BANK1: variants seen among roughly 807,000 people sequenced by gnomAD.
BANK1 encodes the protein B cell scaffold protein with ankyrin repeats 1.
In BANK1, 95 loss-of-function variants were observed where a neutral mutation model predicts 94.5. That is an observed-to-expected ratio of 1.00 (90% CI 0.85 to 1.19). BANK1 has a LOEUF of 1.19. BANK1 is among the 50% of genes most tolerant of loss of function. The pLI is 0.00. For synonymous variants in BANK1, 334 were observed against 308.4 expected (o/e 1.08, Z -0.87); for missense variants, 987 against 932.2 (o/e 1.06, Z -0.77).
chr4:101,933,846 C>G (rs1028286042), intron 7 of BANK1, among the ~76,000 whole-genome samples: 3 of 151,476 alleles, frequency 2.0e-5, no homozygotes. Context: ...AGTGCCCTAA[C>G]TGTGTATAGT....
chr4:102,037,588 G>A (rs906264490), intron 10 of BANK1, among the ~76,000 whole-genome samples: 19 of 152,082 alleles, frequency 1.2e-4, no homozygotes, highest in Admixed American at 2.0e-4. Flanking sequence ...CTCCCCTAAC[G>A]GACCAGCAGC....
rs3796984 is a variant in BANK1 at position 102,065,131 on chromosome 4, A to C, written c.2212+1993A>C. Among the ~76,000 whole-genome samples the C allele has an allele frequency of 5.8e-3, 888 of 152,344 alleles. 26 individuals carry two copies. In the East Asian group the frequency reaches 0.066, roughly 11 times the overall value. On this transcript the variant is annotated intron_variant, in intron 13 of 16. Transcript: ENST00000322953. ...GAAAAAGCCAGCCTGGGAGTGTTTA[A>C]GTTCTGGCCCTGTCAAATTAGGGAG...
chr4:101,793,284 T>C (rs1287790728), intron 1 of BANK1, among the ~76,000 whole-genome samples: 2 of 152,172 alleles, frequency 1.3e-5, no homozygotes, highest in African/African-American at 4.8e-5. Flanking sequence ...TTGACTGCAA[T>C]CTTCCAACAT....
chr4:102,057,117 G>A (rs765083557), intron 11 of BANK1, among the ~76,000 whole-genome samples: 31 of 152,054 alleles, frequency 2.0e-4, no homozygotes, highest in Non-Finnish European at 4.1e-4. Context: ...CAAATAAATC[G>A]ATAGACCAAG....
chr4:102,016,683 A>C (rs1407315728), intron 7 of BANK1, among the ~76,000 whole-genome samples: 2 of 152,172 alleles, frequency 1.3e-5, no homozygotes, highest in African/African-American at 4.8e-5. Flanking sequence ...TTGGTGATGC[A>C]GTTAACATTT....
chr4:101,863,052 T>C (rs1254929330), intron 4 of BANK1, among the ~76,000 whole-genome samples: 1 of 151,916 alleles, frequency 6.6e-6, no homozygotes, highest in African/African-American at 2.4e-5. Context: ...TTCTTTCTTT[T>C]TTCCCCCAAG....
At chr4:101,970,692 C>T (rs1028666170) in intron 7 of BANK1, among the ~76,000 whole-genome samples, 2 of 152,080 alleles carry the variant, frequency 1.3e-5, no homozygotes, top group Non-Finnish European at 2.9e-5. Context: ...CATAGCCTTC[C>T]AGCCAGTCTC....
intron 7 of BANK1, among the ~76,000 whole-genome samples, chr4:101,969,038 C>CA (rs1390028570): frequency 3.3e-5 from 5 of 151,934 alleles, no homozygotes. Context: ...GATCTGAGCT[C>CA]ATTGGAAGGA....
At chr4:101,822,467 T>C (rs1235525740) in intron 1 of BANK1, among the ~76,000 whole-genome samples, 1 of 152,200 alleles carries the variant, frequency 6.6e-6, no homozygotes, top group East Asian at 1.9e-4. Flanking sequence ...CCATATTTCA[T>C]TGATTCTGAC....
At chr4:101,829,748 A>G (rs1726529268) in intron 1 of BANK1, 60 bp from the exon 2 acceptor site, 4 of 1,181,162 alleles carry the variant, frequency 3.4e-6, no homozygotes, top group Non-Finnish European at 4.6e-6. Context: ...TTTTTGAGAA[A>G]TAATAATTTA....
At chr4:101,928,581 T>G (rs1452659707) in intron 7 of BANK1, among the ~76,000 whole-genome samples, 2 of 151,728 alleles carry the variant, frequency 1.3e-5, no homozygotes, top group African/African-American at 4.8e-5. Context: ...CCGAGTTCAC[T>G]TATTCAAATT....
chr4:101,919,455 A>G (rs1398325913), intron 7 of BANK1, among the ~76,000 whole-genome samples: 1 of 151,998 alleles, frequency 6.6e-6, no homozygotes, highest in Admixed American at 6.6e-5. Flanking sequence ...ATGACAGTAG[A>G]TATGAAAGTA....
chr4:101,843,758 T>C (rs1304050993), intron 2 of BANK1, among the ~76,000 whole-genome samples: 2 of 150,710 alleles, frequency 1.3e-5, no homozygotes, highest in Non-Finnish European at 3.0e-5. Flanking sequence ...CTACTAAATA[T>C]ACAAAAAAAA....
chr4:101,857,629 C>T (rs1301568444), intron 3 of BANK1, among the ~76,000 whole-genome samples: 3 of 152,180 alleles, frequency 2.0e-5, no homozygotes, highest in African/African-American at 4.8e-5. Context: ...TGCTCTTTTC[C>T]ACAGATTTGG....
At chr4:101,817,421 T>C (rs976198416) in intron 1 of BANK1, among the ~76,000 whole-genome samples, 17 of 152,058 alleles carry the variant, frequency 1.1e-4, no homozygotes, top group African/African-American at 4.1e-4. Flanking sequence ...AGCAAACTAA[T>C]GCATGAGCAG....
rs575197475 is a variant in BANK1 at position 101,847,721 on chromosome 4, C to T, written c.470-7314C>T. On this transcript the variant is annotated intron_variant, in intron 2 of 16. Transcript: ENST00000322953. ...GTTAATTCATTCCTTTTTATGTCTG[C>T]GTAGTATTCCATCATACACACACAC... Among the ~76,000 whole-genome samples the T allele has an allele frequency of 9.8e-4, 140 of 142,776 alleles. 2 individuals are homozygous for T. The highest frequency in any genetic ancestry group is 3.6e-3 in the African/African-American group (133 of 37,110). 93.7% of individuals were successfully genotyped at this position (142,776 alleles called of 152,430 possible).
At chr4:102,048,194 G>A (rs1463721569) in intron 11 of BANK1, among the ~76,000 whole-genome samples, 2 of 152,094 alleles carry the variant, frequency 1.3e-5, no homozygotes, top group Non-Finnish European at 2.9e-5. Flanking sequence ...CTGAACATCA[G>A]TAATGTACCA....
chr4:101,977,844 T>C (rs760191008), intron 7 of BANK1, among the ~76,000 whole-genome samples: 2 of 152,192 alleles, frequency 1.3e-5, no homozygotes, highest in Non-Finnish European at 2.9e-5. Context: ...TGATTCTATT[T>C]AGTGTGCATG....
chr4:102,065,910 T>G (rs1182433167), intron 13 of BANK1, among the ~76,000 whole-genome samples: 1 of 151,872 alleles, frequency 6.6e-6, no homozygotes, highest in African/African-American at 2.4e-5. Flanking sequence ...ATGAACAGAG[T>G]CCCAGCGACA....
Sources: gnomAD v4.1 joint callset for allele counts (sites outside exome capture counted in the v4.1 genomes callset) on GRCh38, gnomAD v4.1.1 for gene constraint, MANE v1.5 for transcripts, NCBI Gene and HGNC (gene_info 2026-07-23, HGNC 2026-07-21) for gene names.